OR1B1: variants seen among roughly 807,000 people sequenced by gnomAD.
OR1B1 encodes the protein olfactory receptor family 1 subfamily B member 1, also known as olfactory receptor 1B1.
For synonymous variants in OR1B1, 168 were observed against 156.2 expected, an observed-to-expected ratio of 1.08 and a Z score of -0.57; for missense variants, 414 against 402.1, an observed-to-expected ratio of 1.03 and a Z score of -0.25.
At chr9:122,635,857 A>G in the OR1B1 span, among the ~76,000 whole-genome samples, 2 of 151,484 alleles carry the variant, frequency 1.3e-5, no homozygotes, top group African/African-American at 4.9e-5. Context: ...CGAAGAGGTT[A>G]TATTAAAAGC....
chr9:122,631,562 T>C (rs117245783), upstream of OR1B1, among the ~76,000 whole-genome samples: 48 of 152,204 alleles, frequency 3.2e-4, no homozygotes, highest in Non-Finnish European at 6.6e-4. Context: ...ATATGAAAAA[T>C]TAATATCTAA....
chr9:122,632,395 T>C (rs1301207238), upstream of OR1B1, among the ~76,000 whole-genome samples: 1 of 152,180 alleles, frequency 6.6e-6, no homozygotes, highest in African/African-American at 2.4e-5. Flanking sequence ...AGACAGTGGC[T>C]GAAGAGAGAA....
downstream of OR1B1, chr9:122,628,508 C>T: frequency 2.8e-6 from 3 of 1,089,986 alleles, no homozygotes; most frequent in Non-Finnish European, 2.7e-6. Context: ...TCTGATCTCC[C>T]CAAAACCAAC....
At chr9:122,655,274 T>TC in the OR1B1 span, among the ~76,000 whole-genome samples, 1 of 152,124 alleles carries the variant, frequency 6.6e-6, no homozygotes, top group Non-Finnish European at 1.5e-5. Context: ...AGTTAAATTT[T>TC]CCCCACAGAT....
exon 1 of OR1B1, chr9:122,629,153 A>G: frequency 1.9e-6 from 3 of 1,614,090 alleles, no homozygotes; most frequent in Non-Finnish European, 2.5e-6. Context: ...GGGGTCACAG[A>G]TGGCCACATA....
At chr9:122,646,249 T>A in the OR1B1 span, among the ~76,000 whole-genome samples, 4 of 151,552 alleles carry the variant, frequency 2.6e-5, no homozygotes, top group South Asian at 8.4e-4. Context: ...GAAAATCACA[T>A]TCACTGAAAG....
At chr9:122,646,607 A>C in the OR1B1 span, among the ~76,000 whole-genome samples, 1 of 152,174 alleles carries the variant, frequency 6.6e-6, no homozygotes, top group African/African-American at 2.4e-5. Context: ...GAAGAGACAA[A>C]GAATGTCATT....
chr9:122,639,019 T>G, the OR1B1 span, among the ~76,000 whole-genome samples: 1 of 152,198 alleles, frequency 6.6e-6, no homozygotes, highest in Non-Finnish European at 1.5e-5. Context: ...CCTGCTTGCC[T>G]GCTTACTCAC....
chr9:122,654,281 A>C, the OR1B1 span, among the ~76,000 whole-genome samples: 2 of 152,184 alleles, frequency 1.3e-5, no homozygotes, highest in Non-Finnish European at 2.9e-5. Context: ...CATGACTGAG[A>C]CTATACAAAG....
rs1485907660 is a variant in OR1B1, at chr9:122,628,779, T to C, written c.757A>G (p.Met253Val). 10 of 1,613,832 alleles carry C rather than the reference T, an allele frequency of 6.2e-6. No homozygotes were observed. In the African/African-American group the frequency reaches 6.7e-5, roughly 11 times the overall value. Residue 253 changes from methionine (M) to valine (V), a missense_variant, in exon 1 of 1, where the codon ATG becomes GTG. By Grantham distance (21) the Met-to-Val change is conservative. Coordinates refer to ENST00000623530, the Ensembl canonical transcript of OR1B1. ...ATGGTGCCGTAGAGGAAACCAACCATGGTGAGGTGGGATCCACAGGTGGAG... is the reference window on the plus strand; with the variant it reads ...ATGGTGCCGTAGAGGAAACCAACCACGGTGAGGTGGGATCCACAGGTGGAG...
chr9:122,655,782 G>T, the OR1B1 span, among the ~76,000 whole-genome samples: 1 of 151,122 alleles, frequency 6.6e-6, no homozygotes, highest in African/African-American at 2.4e-5. Flanking sequence ...CCACCGTGGC[G>T]CACCTTTACC....
the OR1B1 span, among the ~76,000 whole-genome samples, chr9:122,649,880 C>T: frequency 1.4e-4 from 21 of 152,052 alleles, no homozygotes; most frequent in Non-Finnish European, 1.6e-4. Context: ...ACCATTTGAC[C>T]CAGCAACCCC....
At chr9:122,633,295 C>G (rs969837796), upstream of OR1B1, among the ~76,000 whole-genome samples, 5 of 152,162 alleles carry the variant, frequency 3.3e-5, no homozygotes, top group African/African-American at 9.7e-5. Flanking sequence ...TTCACTAAAT[C>G]AACTCAAAAT....
rs375546573 is a variant in OR1B1 at position 122,629,443 on chromosome 9, G to A, written c.93C>T (p.Phe31=). 177 of 1,613,810 alleles carry A rather than the reference G, an allele frequency of 1.1e-4. 1 individual carries two copies. The highest frequency in any genetic ancestry group is 2.9e-4 in the East Asian group (13 of 44,854). Residue 31 remains phenylalanine (F), a synonymous_variant, in exon 1 of 1, where the codon TTC becomes TTT. Coordinates refer to ENST00000623530, the Ensembl canonical transcript of OR1B1. ...TGGTCAGGTAAATAGCCAGGAACAGGAAGAAGAGGAGAGTGTAGGAGATGT... is the reference window on the plus strand; with the variant it reads ...TGGTCAGGTAAATAGCCAGGAACAGAAAGAAGAGGAGAGTGTAGGAGATGT...
rs1317004838 is a variant in OR1B1 at position 122,628,821 on chromosome 9, C to CA, written c.714dup (p.Gly239TrpfsTer59). On this transcript the variant is annotated frameshift_variant, in exon 1 of 1. Transcript: ENST00000623530. LOFTEE classifies it low-confidence loss of function (END_TRUNC). Reference sequence around the variant, plus strand: ...CAGGTGGAGACTGCTCGGCGGCGACCAGCAGCTGAAGGCAAACGTAGAATA... The same window carrying CA: ...CAGGTGGAGACTGCTCGGCGGCGACCAAGCAGCTGAAGGCAAACGTAGAATA... 6.2e-7 allele frequency: 1 copy of CA among 1,614,022 alleles called. No individual in the cohort carries two copies. Among genetic ancestry groups the CA allele is most frequent in the Non-Finnish European group, 8.5e-7 (1 of 1,179,992 alleles).
At chr9:122,628,137 T>C (rs1052534125), downstream of OR1B1, among the ~76,000 whole-genome samples, 1 of 152,080 alleles carries the variant, frequency 6.6e-6, no homozygotes, top group Non-Finnish European at 1.5e-5. Flanking sequence ...TTAGCCCTAT[T>C]TGTCTAAACT....
At chr9:122,638,157 TCTAGAAATATG>T in the OR1B1 span, among the ~76,000 whole-genome samples, 22 of 152,190 alleles carry the variant, frequency 1.4e-4, no homozygotes, top group Non-Finnish European at 3.1e-4. Flanking sequence ...ATAGTGAAAT[TCTAGAAATATG>T]CAGGAAAATA....
the OR1B1 span, among the ~76,000 whole-genome samples, chr9:122,648,637 A>T: frequency 6.6e-6 from 1 of 152,204 alleles, no homozygotes; most frequent in Admixed American, 6.5e-5. Context: ...TCATCAGTGA[A>T]GTCCCATTCA....
the OR1B1 span, among the ~76,000 whole-genome samples, chr9:122,636,385 CG>C: frequency 1.3e-5 from 2 of 152,172 alleles, no homozygotes; most frequent in East Asian, 1.9e-4. Context: ...GAGGCCAAGG[CG>C]GGTGGATCAC....
Sources: gnomAD v4.1 joint callset for allele counts (sites outside exome capture counted in the v4.1 genomes callset) on GRCh38, gnomAD v4.1.1 for gene constraint, MANE v1.5 for transcripts, NCBI Gene and HGNC (gene_info 2026-07-23, HGNC 2026-07-21) for gene names.